The following CASQ2 variants were observed in gnomAD, a reference collection of about 807,000 sequenced individuals.
The protein encoded by CASQ2 is calsequestrin-2.
A neutral mutation model predicts 46.5 loss-of-function variants in CASQ2; 49 were observed. The observed-to-expected ratio is 1.05, with a 90% CI of 0.84 to 1.34. CASQ2 has a LOEUF of 1.34. CASQ2 is among the 40% of genes most tolerant of loss of function. The pLI is 0.00. For synonymous variants in CASQ2, 174 were observed against 168.5 expected (o/e 1.03, Z -0.25); for missense variants, 486 against 481.3 (o/e 1.01, Z -0.09).
intron 4 of CASQ2, among the ~76,000 whole-genome samples, chr1:115,734,190 G>T (rs1237035998): frequency 6.6e-6 from 1 of 152,196 alleles, no homozygotes; most frequent in Non-Finnish European, 1.5e-5. Context: ...GAATTGGGTG[G>T]AGGGGAGAAG....
chr1:115,755,306 T>C (rs887597096), intron 1 of CASQ2, among the ~76,000 whole-genome samples: 8 of 152,220 alleles, frequency 5.3e-5, no homozygotes, highest in Admixed American at 4.6e-4. Context: ...AAATGCAGTC[T>C]GGAAGCCCAG....
chr1:115,718,615 C>T (rs1647257533), intron 7 of CASQ2, among the ~76,000 whole-genome samples: 1 of 152,134 alleles, frequency 6.6e-6, no homozygotes, highest in Non-Finnish European at 1.5e-5. Flanking sequence ...CAGTGCATTT[C>T]TGAGGCTGCA....
chr1:115,722,098 C>T (rs1181364294), intron 7 of CASQ2, among the ~76,000 whole-genome samples: 1 of 152,178 alleles, frequency 6.6e-6, no homozygotes, highest in Non-Finnish European at 1.5e-5. Context: ...GAGGCCTGTC[C>T]TGCCTTCCCC....
chr1:115,749,690 T>C (rs930460336), intron 1 of CASQ2, among the ~76,000 whole-genome samples: 4 of 152,230 alleles, frequency 2.6e-5, no homozygotes, highest in Admixed American at 2.6e-4. Flanking sequence ...AGGTGATTCC[T>C]GACATGGCAG....
chr1:115,740,871 T>G (rs1648152064), intron 2 of CASQ2, 43 bp from the exon 3 acceptor site: 1 of 1,336,366 alleles, frequency 7.5e-7, no homozygotes, highest in African/African-American at 1.4e-5. Context: ...CATCCTGACG[T>G]AGGAAGAGTG....
intron 1 of CASQ2, among the ~76,000 whole-genome samples, chr1:115,766,153 A>G (rs1431053325): frequency 1.3e-5 from 2 of 152,212 alleles, no homozygotes; most frequent in Admixed American, 6.5e-5. Flanking sequence ...TACAGCTGGC[A>G]TCATCAGACC....
intron 7 of CASQ2, among the ~76,000 whole-genome samples, chr1:115,724,785 G>A (rs1647517651): frequency 6.6e-6 from 1 of 152,184 alleles, no homozygotes; most frequent in Non-Finnish European, 1.5e-5. Context: ...AATTTTAGAT[G>A]AGGAAATTTA....
chr1:115,744,942 C>T (rs989782849), intron 1 of CASQ2, 30 bp from the exon 2 acceptor site: 4 of 1,468,066 alleles, frequency 2.7e-6, no homozygotes, highest in African/African-American at 1.4e-5. Context: ...GATGAGTGTG[C>T]TAAGGGCAGA....
At chr1:115,746,437 C>T (rs1021246314) in intron 1 of CASQ2, among the ~76,000 whole-genome samples, 4 of 152,198 alleles carry the variant, frequency 2.6e-5, no homozygotes, top group Non-Finnish European at 4.4e-5. Flanking sequence ...TATTGTCTTA[C>T]CTTCCCATGA....
At chr1:115,740,630 G>T (rs944927333) in intron 3 of CASQ2, 98 bp downstream of exon 3, 1 of 796,786 alleles carries the variant, frequency 1.3e-6, no homozygotes, top group African/African-American at 1.7e-5. Context: ...TCACAGATGA[G>T]GCCAGGTTCT....
At chr1:115,721,930 TG>T (rs1338825374) in intron 7 of CASQ2, among the ~76,000 whole-genome samples, 17 of 152,274 alleles carry the variant, frequency 1.1e-4, no homozygotes. Flanking sequence ...TGGTTTAAGT[TG>T]CTGTGGCCAC....
At chr1:115,725,979 A>G (rs1046755997) in intron 6 of CASQ2, among the ~76,000 whole-genome samples, 1 of 152,236 alleles carries the variant, frequency 6.6e-6, no homozygotes, top group African/African-American at 2.4e-5. Flanking sequence ...TTGTTTTATC[A>G]TCTGGTGTAT....
intron 3 of CASQ2, 123 bp downstream of exon 3, chr1:115,740,605 A>C: frequency 2.8e-6 from 2 of 702,182 alleles, no homozygotes; most frequent in South Asian, 3.1e-5. Flanking sequence ...TTTTTTGTGA[A>C]TCCTGAAAAA....
chr1:115,712,480 G>A (rs1369070103), intron 8 of CASQ2, among the ~76,000 whole-genome samples: 1 of 152,212 alleles, frequency 6.6e-6, no homozygotes, highest in Non-Finnish European at 1.5e-5. Context: ...GATTAGCCAT[G>A]TGAGCTGGGG....
chr1:115,761,523 GAAGAAGA>G (rs1648961160), intron 1 of CASQ2, among the ~76,000 whole-genome samples: 1 of 101,244 alleles, frequency 9.9e-6, no homozygotes, highest in Non-Finnish European at 2.2e-5. Context: ...AGAAGAAGAA[GAAGAAGA>G]GTTCATAAAG....
intron 2 of CASQ2, among the ~76,000 whole-genome samples, chr1:115,741,367 C>T (rs770853239): frequency 1.3e-5 from 2 of 152,226 alleles, no homozygotes; most frequent in Non-Finnish European, 2.9e-5. Flanking sequence ...TTTTCTTGTT[C>T]TCCCAGCCTG....
chr1:115,761,183 G>C (rs114934264), intron 1 of CASQ2, among the ~76,000 whole-genome samples: 7,116 of 150,860 alleles, frequency 0.047, 600 homozygotes, highest in African/African-American at 0.16. Context: ...GTTGGACATA[G>C]AAAAATGGTG....
chr1:115,712,896 T>G (rs568255338), intron 8 of CASQ2, among the ~76,000 whole-genome samples: 50 of 151,512 alleles, frequency 3.3e-4, no homozygotes, highest in South Asian at 1.7e-3. Flanking sequence ...AAATGTTAAA[T>G]TTGGTAAACC....
At chr1:115,743,388 C>T (rs977692042) in intron 2 of CASQ2, among the ~76,000 whole-genome samples, 1 of 152,012 alleles carries the variant, frequency 6.6e-6, no homozygotes, top group African/African-American at 2.4e-5. Context: ...GCACTACAGG[C>T]ACATGCCACC....
Sources: allele counts gnomAD v4.1 joint callset (sites outside exome capture counted in the v4.1 genomes callset), GRCh38; gene constraint gnomAD v4.1.1; transcripts MANE v1.5; gene names NCBI Gene and HGNC (gene_info 2026-07-23, HGNC 2026-07-21).